The following RP1 variants were observed in gnomAD, a reference collection of about 807,000 sequenced individuals.
RP1 encodes oxygen-regulated protein 1.
Under a neutral mutation model 14.8 loss-of-function variants are expected in RP1, and 16 were observed. The observed-to-expected ratio is 1.08, with a 90% confidence interval of 0.73 to 1.65. The LOEUF (loss-of-function observed/expected upper bound fraction) is 1.65, where lower values mean the gene tolerates loss of function less well. RP1 is among the 40% of genes most tolerant of loss of function. RP1 has a pLI of 0.00. For missense variants in RP1, 2,631 were observed against 2,535.0 expected (o/e 1.04, Z -0.81); for synonymous variants, 876 against 883.6 (o/e 0.99, Z 0.15).
chr8:54,704,225 A>T (rs1175293553), intron 14 of RP1, among the ~76,000 whole-genome samples: 1 of 152,174 alleles, frequency 6.6e-6, no homozygotes, highest in Non-Finnish European at 1.5e-5. Flanking sequence ...CTTTTGATTT[A>T]AAGCAGGAGA....
At chr8:54,673,739 C>A in intron 7 of RP1, 1 of 827,330 alleles carries the variant, frequency 1.2e-6, no homozygotes, top group Non-Finnish European at 1.8e-6. Flanking sequence ...GAGCCTGTCT[C>A]AAAACAACAA....
At chr8:54,670,669 TTTTATATA>T (rs768743104) in intron 7 of RP1, among the ~76,000 whole-genome samples, 1,191 of 63,518 alleles carry the variant, frequency 0.019, 115 homozygotes, top group East Asian at 0.14. Context: ...ATATATATGT[TTTTATATA>T]TATATATATA....
At position 54,673,748 on chromosome 8, in the gene RP1, A is replaced by G. The variant is rs903718795; in HGVS notation, c.1324-102A>G. On this transcript the variant is annotated intron_variant, in intron 7 of 22. Coordinates refer to the RP1 transcript ENST00000636932. ...GAGGGAGAGCCTGTCTCAAAACAAC[A>G]ACAACAACAACAACAACAACAAACA... is the stretch of plus-strand genomic sequence containing the variant. 7.7e-6 allele frequency: 8 copies of G among 1,035,318 alleles called. No homozygotes were observed. The African/African-American group carries it at 1.3e-4, about 17-fold the overall frequency. The allele number at this position is 1,035,318 out of a possible 1,614,324, so 64.1% of individuals were successfully genotyped here. A position where few individuals can be genotyped will look rare whatever the true frequency, so the allele number is the denominator to read the frequency against.
At chr8:54,656,127 T>C (rs944901414) in exon 6 of RP1, 1 of 1,535,120 alleles carries the variant, frequency 6.5e-7, no homozygotes, top group Non-Finnish European at 8.7e-7. Flanking sequence ...TTTATGTACC[T>C]GTTCAACGAT....
intron 15 of RP1, among the ~76,000 whole-genome samples, chr8:54,714,614 G>A (rs892278620): frequency 2.0e-5 from 3 of 152,122 alleles, no homozygotes; most frequent in Middle Eastern, 3.2e-3. Context: ...CTAGCCTCGT[G>A]CCTGCCAAAC....
intron 1 of RP1, among the ~76,000 whole-genome samples, chr8:54,609,304 A>G (rs1805534989): frequency 6.6e-6 from 1 of 151,964 alleles, no homozygotes; most frequent in Non-Finnish European, 1.5e-5. Flanking sequence ...TAAAAAAAAA[A>G]ATAGCTGGGT....
At chr8:54,750,137 T>A (rs1480863504) in intron 19 of RP1, among the ~76,000 whole-genome samples, 3 of 152,144 alleles carry the variant, frequency 2.0e-5, no homozygotes, top group African/African-American at 7.2e-5. Context: ...TTGGGCATTC[T>A]CTAGGAGGAT....
intron 15 of RP1, among the ~76,000 whole-genome samples, chr8:54,712,376 A>G (rs1461448440): frequency 2.0e-5 from 3 of 152,098 alleles, no homozygotes; most frequent in Non-Finnish European, 4.4e-5. Flanking sequence ...CCTGCATTCC[A>G]TCATAAGTAT....
intron 24 of RP1, among the ~76,000 whole-genome samples, chr8:54,811,256 T>A (rs1196213662): frequency 1.3e-5 from 2 of 152,198 alleles, no homozygotes; most frequent in African/African-American, 4.8e-5. Flanking sequence ...TGTCTTCCCA[T>A]GTCTGCACTT....
At chr8:54,831,663 T>C (rs967923914) in intron 24 of RP1, among the ~76,000 whole-genome samples, 7 of 151,842 alleles carry the variant, frequency 4.6e-5, no homozygotes, top group African/African-American at 1.7e-4. Flanking sequence ...AAACAGTCCA[T>C]TGATTTGCAT....
chr8:54,860,611 A>G (rs1362055279), intron 27 of RP1, among the ~76,000 whole-genome samples: 1 of 152,158 alleles, frequency 6.6e-6, no homozygotes, highest in East Asian at 1.9e-4. Flanking sequence ...CTCTTGCAAC[A>G]CAAGCACCTC....
At chr8:54,711,016 C>T (rs1447465396) in intron 15 of RP1, among the ~76,000 whole-genome samples, 4 of 152,120 alleles carry the variant, frequency 2.6e-5, no homozygotes, top group African/African-American at 9.7e-5. Context: ...GTCTGCCTAG[C>T]GTTTCTCTGA....
downstream of RP1, among the ~76,000 whole-genome samples, chr8:54,634,577 T>C (rs1806312405): frequency 6.6e-6 from 1 of 152,196 alleles, no homozygotes; most frequent in Admixed American, 6.5e-5. Context: ...CCTAAAAGGG[T>C]TTATCTTCCA....
At chr8:54,759,168 G>GTA in intron 22 of RP1, 1 of 1,218,670 alleles carries the variant, frequency 8.2e-7, no homozygotes, top group Non-Finnish European at 1.1e-6. Context: ...GTGTGTGTGT[G>GTA]TGTGTGTATC....
chr8:54,834,528 A>T (rs1228669362), intron 24 of RP1, among the ~76,000 whole-genome samples: 2 of 151,852 alleles, frequency 1.3e-5, no homozygotes, highest in Non-Finnish European at 2.9e-5. Context: ...TGTAGCCTTT[A>T]AAAAAAATCT....
intron 1 of RP1, among the ~76,000 whole-genome samples, chr8:54,605,327 A>G (rs201775020): frequency 6.6e-6 from 1 of 152,170 alleles, no homozygotes; most frequent in Non-Finnish European, 1.5e-5. Flanking sequence ...AGGTTGTTCA[A>G]TTTCCATGTA....
intron 24 of RP1, among the ~76,000 whole-genome samples, chr8:54,804,145 G>T (rs905507321): frequency 2.3e-4 from 4 of 17,720 alleles, no homozygotes; most frequent in East Asian, 9.5e-4. Context: ...TACATATGTG[G>T]GGGGGGGCTA....
intron 16 of RP1, among the ~76,000 whole-genome samples, chr8:54,722,802 A>G (rs918822790): frequency 6.6e-6 from 1 of 152,124 alleles, no homozygotes; most frequent in Non-Finnish European, 1.5e-5. Flanking sequence ...AGAGAATCTA[A>G]GTTTACATCT....
chr8:54,854,710 C>T (rs886753812), intron 26 of RP1, among the ~76,000 whole-genome samples: 1 of 151,974 alleles, frequency 6.6e-6, no homozygotes, highest in Non-Finnish European at 1.5e-5. Context: ...ACTGAAAATA[C>T]AAAAATTAGC....
Sources: gnomAD v4.1 joint callset for allele counts (sites outside exome capture counted in the v4.1 genomes callset) on GRCh38, gnomAD v4.1.1 for gene constraint, MANE v1.5 for transcripts, NCBI Gene and HGNC (gene_info 2026-07-23, HGNC 2026-07-21) for gene names.